MDFIC: variants seen among roughly 807,000 people sequenced by gnomAD.
MDFIC encodes MyoD family inhibitor domain containing.
In MDFIC, 17 loss-of-function variants were observed where a neutral mutation model predicts 23.2. The ratio of observed to expected loss-of-function variants is 0.73; its 90% confidence interval spans 0.50 to 1.10. The LOEUF (loss-of-function observed/expected upper bound fraction) is 1.10. Ranked by LOEUF, MDFIC falls within the 50% of genes least tolerant of loss-of-function variation. The pLI, the probability that MDFIC is intolerant of heterozygous loss-of-function variation, is 0.00. For missense variants in MDFIC, 356 were observed against 316.6 expected (o/e 1.12, Z -0.95); for synonymous variants, 120 against 115.2 (o/e 1.04, Z -0.27).
chr7:114,975,429 G>T (rs1793291608), intron 3 of MDFIC, among the ~76,000 whole-genome samples: 1 of 152,032 alleles, frequency 6.6e-6, no homozygotes, highest in African/African-American at 2.4e-5. Context: ...ACTTTTGAGA[G>T]CTGTCACATA....
intron 3 of MDFIC, among the ~76,000 whole-genome samples, chr7:114,960,645 T>C (rs1792972529): frequency 6.6e-6 from 1 of 152,208 alleles, no homozygotes. Flanking sequence ...AGTACCAATG[T>C]CCCAGACACT....
At chr7:114,937,101 G>A (rs1337172266) in intron 2 of MDFIC, among the ~76,000 whole-genome samples, 1 of 151,896 alleles carries the variant, frequency 6.6e-6, no homozygotes, top group Non-Finnish European at 1.5e-5. Flanking sequence ...TTTAAATTTA[G>A]ATAATGCCAA....
At chr7:114,943,500 G>T (rs1394276495) in intron 3 of MDFIC, among the ~76,000 whole-genome samples, 2 of 152,058 alleles carry the variant, frequency 1.3e-5, no homozygotes, top group African/African-American at 4.8e-5. Flanking sequence ...GGACCATTTT[G>T]GTTTTTATAC....
At chr7:114,969,661 C>T (rs1015887725) in intron 3 of MDFIC, among the ~76,000 whole-genome samples, 7 of 152,142 alleles carry the variant, frequency 4.6e-5, no homozygotes, top group African/African-American at 1.7e-4. Flanking sequence ...AGACCAAGAG[C>T]AGTTATCTAC....
In MDFIC at chr7:115,015,886, A is replaced by G; in HGVS notation, c.692A>G (p.Asp231Gly). Residue 231 changes from aspartate to glycine, a missense_variant, in exon 5 of 5, where the codon GAC (aspartate) becomes GGC (glycine). Asp to Gly is a moderately conservative substitution (Grantham distance 94, BLOSUM62 -1). Coordinates refer to ENST00000393486, the MANE Select transcript of MDFIC (RefSeq NM_001166345.3). ...GIMDACCESS[D>G]CLEICMECCG... The stretch of plus-strand genomic sequence containing the variant: ...ATGGATGCCTGTTGTGAATCATCAG[A>G]CTGCTTGGAAATCTGTATGGAATGC... 2 of 1,614,204 alleles carry G rather than the reference A, an allele frequency of 1.2e-6. No homozygotes were observed. The highest frequency in any genetic ancestry group is 3.3e-5 in the Admixed American group (2 of 60,028).
At chr7:115,007,638 A>G (rs1371509676) in intron 4 of MDFIC, among the ~76,000 whole-genome samples, 17 of 9,260 alleles carry the variant, frequency 1.8e-3, no homozygotes, top group African/African-American at 2.7e-3. Context: ...GTGTATATAT[A>G]TATATATATA....
At position 114,922,879 on chromosome 7, in the gene MDFIC, C is replaced by T. The variant is rs1259768339; in HGVS notation, c.-107-48C>T. On this transcript the variant is annotated intron_variant, in intron 1 of 4. Transcript: ENST00000393486. ...GAACGTCCCGCAGGGGTGGTGTGCT[C>T]TTCTCTAAAAACATTTTTTTTTTTA... 3.3e-6 allele frequency: 5 copies of T among 1,530,548 alleles called. No homozygotes were observed. In the South Asian group the frequency reaches 3.6e-5, roughly 11 times the overall value. 94.8% of individuals were successfully genotyped at this position (1,530,548 alleles called of 1,614,324 possible).
chr7:115,015,994 G>T lies in MDFIC; in HGVS notation c.*59G>T. On this transcript the variant is annotated 3_prime_UTR_variant, in exon 5 of 5. Coordinates refer to ENST00000393486, the MANE Select transcript of MDFIC (RefSeq NM_001166345.3). ...GTGTTTAAAAATTTCCTTTTGGGGG[G>T]AAGAAAAGCACATTGTAAGATTCTC... The T allele has an allele frequency of 1.3e-6, 2 of 1,505,228 alleles. No individual in the cohort carries two copies. Among genetic ancestry groups the T allele is most frequent in the Non-Finnish European group, 1.8e-6 (2 of 1,109,230 alleles). 93.2% of individuals were successfully genotyped at this position (1,505,228 alleles called of 1,614,324 possible).
intron 2 of MDFIC, chr7:114,933,765 CAGA>C (rs1792374471): frequency 6.6e-6 from 1 of 152,164 alleles, no homozygotes; most frequent in Admixed American, 6.5e-5. Flanking sequence ...ACAGAGAAGA[CAGA>C]AGAACATGAG....
At chr7:114,953,412 T>C (rs1792819147) in intron 3 of MDFIC, among the ~76,000 whole-genome samples, 1 of 152,220 alleles carries the variant, frequency 6.6e-6, no homozygotes, top group Non-Finnish European at 1.5e-5. Context: ...TAATTCAAAG[T>C]AGATGGAACA....
chr7:114,976,991 C>G (rs780202078), intron 3 of MDFIC, among the ~76,000 whole-genome samples: 1 of 152,034 alleles, frequency 6.6e-6, no homozygotes, highest in Non-Finnish European at 1.5e-5. Context: ...AAGAGTTCTT[C>G]ATAGTCTTAT....
intron 3 of MDFIC, among the ~76,000 whole-genome samples, chr7:114,967,329 T>C (rs1793117232): frequency 6.6e-6 from 1 of 152,154 alleles, no homozygotes; most frequent in African/African-American, 2.4e-5. Flanking sequence ...TGGAAAAGTG[T>C]TTTTAAATAT....
chr7:115,002,596 A>G (rs1237513198), intron 4 of MDFIC, among the ~76,000 whole-genome samples: 1 of 152,212 alleles, frequency 6.6e-6, no homozygotes, highest in African/African-American at 2.4e-5. Flanking sequence ...CTTTTTAAAG[A>G]AGCACTTGGC....
chr7:114,923,019 T>G lies in MDFIC; in HGVS notation c.-15T>G, dbSNP rs1176254313. On this transcript the variant is annotated 5_prime_UTR_variant, in exon 2 of 5. Coordinates refer to ENST00000393486, the MANE Select transcript of MDFIC (RefSeq NM_001166345.3). ...TAGGCGGCAGCGGCGCGGCGCGGGC[T>G]CGGCGGAGCGGCCCATGTCCGGCGC... is the stretch of plus-strand genomic sequence containing the variant. 6 of 1,447,848 alleles carry G rather than the reference T, an allele frequency of 4.1e-6. No individual in the cohort carries two copies. Among genetic ancestry groups the G allele is most frequent in the African/African-American group, 3.0e-5 (2 of 66,538 alleles). 89.7% of individuals were successfully genotyped at this position (1,447,848 alleles called of 1,614,324 possible). A position where few individuals can be genotyped will look rare whatever the true frequency, so the allele number is the denominator to read the frequency against.
Position 114,923,064 on chromosome 7 carries a change from G to T in MDFIC, c.31G>T (p.Gly11Trp). The change falls in exon 2 of 5, where the codon GGG (glycine) becomes TGG (tryptophan). Residue 11 changes from glycine to tryptophan, a missense_variant. Coordinates refer to ENST00000393486, the MANE Select transcript of MDFIC (RefSeq NM_001166345.3). MSGAGEALAP[G>W]PVGPQRVAEA... Reference sequence around the variant, plus strand: ...CGGCGCGGGCGAAGCCCTCGCTCCCGGGCCCGTGGGGCCGCAGCGCGTGGC... The same window carrying T: ...CGGCGCGGGCGAAGCCCTCGCTCCCTGGCCCGTGGGGCCGCAGCGCGTGGC... 1 of 1,392,656 alleles carries T rather than the reference G, an allele frequency of 7.2e-7. No individual in the cohort carries two copies. 86.3% of individuals were successfully genotyped at this position (1,392,656 alleles called of 1,614,324 possible).
intron 4 of MDFIC, among the ~76,000 whole-genome samples, chr7:114,990,362 T>C (rs904648518): frequency 3.3e-5 from 5 of 152,062 alleles, no homozygotes; most frequent in Admixed American, 6.5e-5. Context: ...TTTTTTTTTT[T>C]CTTTATACTT....
chr7:114,943,640 CAT>C (rs1201437048), intron 3 of MDFIC, among the ~76,000 whole-genome samples: 2 of 152,118 alleles, frequency 1.3e-5, no homozygotes, highest in Non-Finnish European at 2.9e-5. Context: ...ATCTGAAAAA[CAT>C]ATATTGATTA....
chr7:114,998,918 T>G (rs939097435), intron 4 of MDFIC, among the ~76,000 whole-genome samples: 5 of 152,176 alleles, frequency 3.3e-5, no homozygotes, highest in African/African-American at 4.8e-5. Flanking sequence ...TGTTTTATGC[T>G]CTAGTAGGAG....
intron 4 of MDFIC, among the ~76,000 whole-genome samples, chr7:114,992,123 G>A (rs4730661): frequency 0.38 from 57,666 of 151,930 alleles, 11,228 homozygotes; most frequent in East Asian, 0.45. Context: ...TTGTGAATGG[G>A]AGTTCACTCA....
Sources: allele counts gnomAD v4.1 joint callset (sites outside exome capture counted in the v4.1 genomes callset), GRCh38; gene constraint gnomAD v4.1.1; transcripts MANE v1.5; gene names NCBI Gene and HGNC (gene_info 2026-07-23, HGNC 2026-07-21).